ANAPC10: variants seen among roughly 807,000 people sequenced by gnomAD.
The protein encoded by ANAPC10 is anaphase-promoting complex subunit 10.
Under a neutral mutation model 22.0 loss-of-function variants are expected in ANAPC10, and 12 were observed. The ratio of observed to expected loss-of-function variants is 0.55; its 90% CI spans 0.35 to 0.88. ANAPC10 has a LOEUF of 0.88. Among genes scored for constraint, ANAPC10 ranks in the 40% least tolerant of loss-of-function variants. The pLI is 0.01. For synonymous variants in ANAPC10, 65 were observed against 69.5 expected (o/e 0.94, Z 0.32); for missense variants, 188 against 220.9 (o/e 0.85, Z 0.94).
At chr4:145,041,454 C>T (rs1739510887) in intron 4 of ANAPC10, among the ~76,000 whole-genome samples, 1 of 152,238 alleles carries the variant, frequency 6.6e-6, no homozygotes, top group Admixed American at 6.5e-5. Context: ...GTTCTATTCA[C>T]AAGTACCAAC....
intron 4 of ANAPC10, among the ~76,000 whole-genome samples, chr4:145,019,412 C>T (rs1023092702): frequency 2.4e-4 from 37 of 152,106 alleles, no homozygotes; most frequent in African/African-American, 8.9e-4. Context: ...ACAATAGTGA[C>T]AATCTATAAA....
At chr4:145,014,495 C>A (rs2126943759) in intron 4 of ANAPC10, among the ~76,000 whole-genome samples, 1 of 152,168 alleles carries the variant, frequency 6.6e-6, no homozygotes, top group African/African-American at 2.4e-5. Flanking sequence ...GATGGTCCTT[C>A]CCTATCCACC....
At chr4:145,037,765 G>A (rs916548879) in intron 4 of ANAPC10, among the ~76,000 whole-genome samples, 1 of 151,950 alleles carries the variant, frequency 6.6e-6, no homozygotes, top group Non-Finnish European at 1.5e-5. Flanking sequence ...TGGCCAATAT[G>A]GCAAAACCCT....
At chr4:145,047,289 T>G (rs182824748) in intron 4 of ANAPC10, among the ~76,000 whole-genome samples, 1 of 152,116 alleles carries the variant, frequency 6.6e-6, no homozygotes, top group East Asian at 1.9e-4. Context: ...CCTTCTGTCC[T>G]ACTCTGAAAA....
intron 4 of ANAPC10, among the ~76,000 whole-genome samples, chr4:145,016,320 C>T (rs529288821): frequency 2.0e-5 from 3 of 152,142 alleles, no homozygotes; most frequent in African/African-American, 7.2e-5. Flanking sequence ...TTCTTATACA[C>T]CAATAACAAA....
chr4:145,054,604 AGTGTGTGTGTGTGT>A lies in ANAPC10; in HGVS notation c.327+9954_327+9967del, dbSNP rs70956823. 9.3e-3 allele frequency among the ~76,000 whole-genome samples: 1,190 copies of A among 128,324 alleles called. 20 individuals are homozygous for A. Among genetic ancestry groups the A allele is most frequent in the African/African-American group, 0.033 (1,097 of 33,514 alleles). The allele number at this position is 128,324 out of a possible 152,430, so 84.2% of individuals were successfully genotyped here. A position where few individuals can be genotyped will look rare whatever the true frequency, so the allele number is the denominator to read the frequency against. On this transcript the variant is annotated intron_variant, in intron 4 of 4. Transcript: ENST00000507656. ...CACAGGATGAGGGGACATACTGAAT[AGTGTGTGTGTGTGT>A]GTGTGTGTGTGTGTGTGTGTGTGCG...
Position 145,056,383 on chromosome 4 carries a change from C to T in ANAPC10, c.327+8189G>A, listed in dbSNP as rs530073651. 2.6e-5 allele frequency among the ~76,000 whole-genome samples: 4 copies of T among 152,284 alleles called. No homozygotes were observed. The East Asian group carries it at 7.7e-4, about 29-fold the overall frequency. On this transcript the variant is annotated intron_variant, in intron 4 of 4. Coordinates refer to ENST00000507656, the MANE Select transcript of ANAPC10 (RefSeq NM_001256706.2). ...AAGGGGAGGCACGAATAATCCACCC[C>T]TTGTTTAGCATATCATCAAGAAATA...
intron 2 of ANAPC10, among the ~76,000 whole-genome samples, chr4:145,095,535 C>T (rs753412622): frequency 6.6e-6 from 1 of 152,166 alleles, no homozygotes; most frequent in East Asian, 1.9e-4. Flanking sequence ...GAAGCAGATG[C>T]TCCTCCTTCT....
intron 4 of ANAPC10, among the ~76,000 whole-genome samples, chr4:145,046,436 C>G (rs183319617): frequency 6.6e-6 from 1 of 151,932 alleles, no homozygotes; most frequent in South Asian, 2.1e-4. Flanking sequence ...TCCATAAGCA[C>G]AAACAATTTC....
At chr4:145,072,903 T>G (rs566172651) in intron 3 of ANAPC10, among the ~76,000 whole-genome samples, 42 of 152,166 alleles carry the variant, frequency 2.8e-4, no homozygotes, top group Non-Finnish European at 4.7e-4. Flanking sequence ...TATCTGTTTT[T>G]TTTTTTTTTT....
At chr4:145,002,668 C>G (rs1416682973) in intron 4 of ANAPC10, among the ~76,000 whole-genome samples, 2 of 152,000 alleles carry the variant, frequency 1.3e-5, no homozygotes, top group Admixed American at 6.6e-5. Context: ...ACAATTTTAT[C>G]AAAAGCCCAA....
chr4:144,997,561 A>G (rs1453419752), intron 4 of ANAPC10, among the ~76,000 whole-genome samples: 2 of 152,246 alleles, frequency 1.3e-5, no homozygotes, highest in African/African-American at 2.4e-5. Context: ...GGCCTGCCTT[A>G]CAAGAGTTCC....
chr4:145,057,649 T>G (rs543754228), intron 4 of ANAPC10, among the ~76,000 whole-genome samples: 25 of 152,268 alleles, frequency 1.6e-4, no homozygotes, highest in African/African-American at 6.0e-4. Flanking sequence ...GACTACCTAC[T>G]GAAAATCCCT....
At chr4:145,011,328 C>T (rs1198887907) in intron 4 of ANAPC10, among the ~76,000 whole-genome samples, 1 of 81,260 alleles carries the variant, frequency 1.2e-5, no homozygotes, top group East Asian at 3.9e-4. Flanking sequence ...CAGAATGAGA[C>T]TGTCTTAAAA....
intron 2 of ANAPC10, 73 bp downstream of exon 2, chr4:145,095,912 A>G: frequency 1.3e-6 from 2 of 1,582,056 alleles, no homozygotes; most frequent in Non-Finnish European, 1.7e-6. Context: ...ATCCCCTGGG[A>G]TAAGGGGAGA....
chr4:145,081,502 A>C, intron 3 of ANAPC10, 158 bp downstream of exon 3: 1 of 488,330 alleles, frequency 2.0e-6, no homozygotes, highest in East Asian at 3.3e-5. Flanking sequence ...TAAAATGCTA[A>C]TAATCTAACT....
intron 3 of ANAPC10, among the ~76,000 whole-genome samples, chr4:145,080,623 T>C (rs1208970662): frequency 2.0e-5 from 3 of 151,918 alleles, no homozygotes; most frequent in African/African-American, 7.2e-5. Context: ...AAATAGATGG[T>C]ATAGGCCAGG....
chr4:144,996,055 G>C (rs1731556466), intron 4 of ANAPC10, among the ~76,000 whole-genome samples: 1 of 152,212 alleles, frequency 6.6e-6, no homozygotes, highest in Non-Finnish European at 1.5e-5. Context: ...GGATTCATCA[G>C]GGAAGAGATG....
At chr4:145,030,814 T>C (rs143281807) in intron 4 of ANAPC10, among the ~76,000 whole-genome samples, 4,721 of 152,158 alleles carry the variant, frequency 0.031, 97 homozygotes, top group Middle Eastern at 0.075. Flanking sequence ...CCTGGAGGGG[T>C]TGCAAAGATT....
Sources: gnomAD v4.1 joint callset for allele counts (sites outside exome capture counted in the v4.1 genomes callset) on GRCh38, gnomAD v4.1.1 for gene constraint, MANE v1.5 for transcripts, NCBI Gene and HGNC (gene_info 2026-07-23, HGNC 2026-07-21) for gene names.